The following SIPA1L1 variants were observed in gnomAD, a reference collection of about 807,000 sequenced individuals.
SIPA1L1 encodes the protein signal induced proliferation associated 1 like 1, also known as signal-induced proliferation-associated 1-like protein 1.
In SIPA1L1, 26 loss-of-function variants were observed where a neutral mutation model predicts 162.7. The ratio of observed to expected loss-of-function variants is 0.16; its 90% CI spans 0.12 to 0.22. The LOEUF (loss-of-function observed/expected upper bound fraction) is 0.22. Ranked by LOEUF, SIPA1L1 falls within the 10% of genes least tolerant of loss-of-function variation. The probability of loss-of-function intolerance (pLI) is 1.00; values close to 1 mark genes in which losing one functional copy is unlikely to be tolerated. For missense variants in SIPA1L1, 1,874 were observed against 2,241.0 expected, an observed-to-expected ratio of 0.84 and a Z score of 3.31; for synonymous variants, 829 against 837.4, an observed-to-expected ratio of 0.99 and a Z score of 0.17.
At chr14:71,471,873 T>C (rs1239914140) in intron 2 of SIPA1L1, among the ~76,000 whole-genome samples, 2 of 152,168 alleles carry the variant, frequency 1.3e-5, no homozygotes, top group African/African-American at 2.4e-5. Context: ...CAGCTAATTA[T>C]TGAATTTAGA....
chr14:71,641,128 A>G (rs1257671918), intron 7 of SIPA1L1, among the ~76,000 whole-genome samples: 2 of 152,154 alleles, frequency 1.3e-5, no homozygotes, highest in African/African-American at 4.8e-5. Context: ...CAAAATATAT[A>G]TATGATTGAA....
At chr14:71,599,404 G>A (rs1180036892) in intron 5 of SIPA1L1, among the ~76,000 whole-genome samples, 3 of 150,484 alleles carry the variant, frequency 2.0e-5, no homozygotes, top group African/African-American at 4.9e-5. Context: ...CACCCGCCTC[G>A]GCCTCGCAAA....
At chr14:71,689,124 A>G (rs1218726658) in intron 13 of SIPA1L1, among the ~76,000 whole-genome samples, 1 of 152,236 alleles carries the variant, frequency 6.6e-6, no homozygotes, top group Admixed American at 6.5e-5. Context: ...ATAAATCTGC[A>G]TAATATTTTT....
At chr14:71,613,851 G>C (rs139267109) in intron 5 of SIPA1L1, among the ~76,000 whole-genome samples, 1 of 141,206 alleles carries the variant, frequency 7.1e-6, no homozygotes, top group Non-Finnish European at 1.6e-5. Context: ...CATACTGCCC[G>C]GGGACTAGGG....
At chr14:71,482,643 A>C (rs937801300) in intron 2 of SIPA1L1, among the ~76,000 whole-genome samples, 17 of 152,082 alleles carry the variant, frequency 1.1e-4, no homozygotes, top group Non-Finnish European at 1.6e-4. Flanking sequence ...AGGAGAGAAG[A>C]ATTTAGTACT....
At chr14:71,579,613 G>A (rs1378788048) in intron 4 of SIPA1L1, among the ~76,000 whole-genome samples, 3 of 152,196 alleles carry the variant, frequency 2.0e-5, no homozygotes, top group Non-Finnish European at 2.9e-5. Flanking sequence ...ACATGCTAAG[G>A]CAATGTGGAG....
intron 4 of SIPA1L1, among the ~76,000 whole-genome samples, chr14:71,536,679 A>G (rs115806685): frequency 0.011 from 1,748 of 152,348 alleles, 34 homozygotes; most frequent in African/African-American, 0.04. Context: ...TCTTTTGGTT[A>G]TACAACAGTA....
intron 4 of SIPA1L1, among the ~76,000 whole-genome samples, chr14:71,533,817 G>A (rs1055841829): frequency 8.5e-5 from 13 of 152,246 alleles, no homozygotes; most frequent in Admixed American, 6.5e-5. Flanking sequence ...AAACTGATTG[G>A]TAAAATATTT....
At chr14:71,544,204 T>C (rs1054911624) in intron 4 of SIPA1L1, among the ~76,000 whole-genome samples, 3 of 151,494 alleles carry the variant, frequency 2.0e-5, no homozygotes, top group Non-Finnish European at 4.4e-5. Context: ...TATGCATGTA[T>C]GCACATGCAT....
rs200679326 is a variant in SIPA1L1 at position 71,655,321 on chromosome 14, G to A, written c.1994-3012G>A. On this transcript the variant is annotated intron_variant, in intron 8 of 23. Transcript: ENST00000381232. ...TGATGATGTTCTTTTTTATGGCTGC[G>A]TACCATTCCATGATGTATATGTACC... Among the ~76,000 whole-genome samples, 20 of 152,148 alleles carry A rather than the reference G, an allele frequency of 1.3e-4. No individual in the cohort carries two copies. In the East Asian group the frequency reaches 1.4e-3, roughly 10 times the overall value.
intron 3 of SIPA1L1, among the ~76,000 whole-genome samples, chr14:71,524,003 T>G (rs1466889193): frequency 1.3e-5 from 2 of 152,246 alleles, no homozygotes; most frequent in Admixed American, 6.5e-5. Flanking sequence ...TATTGAAGGA[T>G]GGTGTTTAGA....
Position 71,563,805 on chromosome 14 carries a change from T to C in SIPA1L1, c.-302-23766T>C, listed in dbSNP as rs188576745. Among the ~76,000 whole-genome samples, 26 of 152,342 alleles carry C rather than the reference T, an allele frequency of 1.7e-4. 1 individual carries two copies. In the East Asian group the frequency reaches 2.1e-3, roughly 12 times the overall value. On this transcript the variant is annotated intron_variant, in intron 4 of 23. Coordinates refer to ENST00000381232, the MANE Select transcript of SIPA1L1 (RefSeq NM_001386936.1). Reference sequence around the variant, plus strand: ...AAGTTTTCGTAACTCTCCAGCAATCTTAGGCAGTGGTCCTGTGTATTCTTA... The same window carrying C: ...AAGTTTTCGTAACTCTCCAGCAATCCTAGGCAGTGGTCCTGTGTATTCTTA...
chr14:71,660,272 GTC>G (rs2043398319), intron 9 of SIPA1L1, among the ~76,000 whole-genome samples: 1 of 151,964 alleles, frequency 6.6e-6, no homozygotes. Context: ...TTTTCATAAC[GTC>G]TGTTTGTATA....
Position 71,449,643 on chromosome 14 carries a change from T to C in SIPA1L1, c.-464-63100T>C, listed in dbSNP as rs575840072. 6.4e-4 allele frequency among the ~76,000 whole-genome samples: 98 copies of C among 152,286 alleles called. 1 individual carries two copies. Among genetic ancestry groups the C allele is most frequent in the South Asian group, 2.3e-3 (11 of 4,826 alleles). ...ATTCTATCTTAGGAACGAAGAACGATTTTACTAGCAGAAAATGAACACAGT... is the reference window on the plus strand; with the variant it reads ...ATTCTATCTTAGGAACGAAGAACGACTTTACTAGCAGAAAATGAACACAGT... On this transcript the variant is annotated intron_variant, in intron 2 of 23. Coordinates refer to ENST00000381232, the MANE Select transcript of SIPA1L1 (RefSeq NM_001386936.1).
At chr14:71,453,584 A>G (rs1396655370) in intron 2 of SIPA1L1, among the ~76,000 whole-genome samples, 1 of 152,246 alleles carries the variant, frequency 6.6e-6, no homozygotes, top group East Asian at 1.9e-4. Context: ...TAATAGCTGT[A>G]TGAAATATTT....
intron 7 of SIPA1L1, 189 bp from the exon 8 acceptor site, chr14:71,650,141 TTTCTC>T (rs2042502047): frequency 1.5e-6 from 1 of 655,536 alleles, no homozygotes; most frequent in African/African-American, 1.8e-5. Flanking sequence ...TTTCTGGCCT[TTTCTC>T]AGTTCATGAA....
chr14:71,701,784 T>TAA (rs1356696981), intron 14 of SIPA1L1, among the ~76,000 whole-genome samples: 4 of 152,200 alleles, frequency 2.6e-5, no homozygotes, highest in African/African-American at 9.7e-5. Context: ...TTTTGCCAGT[T>TAA]TACCTGCTTC....
At chr14:71,605,449 A>T (rs2037374019) in intron 5 of SIPA1L1, among the ~76,000 whole-genome samples, 1 of 151,784 alleles carries the variant, frequency 6.6e-6, no homozygotes, top group South Asian at 2.1e-4. Flanking sequence ...TAGTTTTTTC[A>T]TGGTTTCTAT....
At chr14:71,595,548 A>G (rs1188331716) in intron 5 of SIPA1L1, among the ~76,000 whole-genome samples, 1 of 152,170 alleles carries the variant, frequency 6.6e-6, no homozygotes, top group East Asian at 1.9e-4. Flanking sequence ...TGATTTATAT[A>G]TATCCTGTAT....
Sources: allele counts gnomAD v4.1 joint callset (sites outside exome capture counted in the v4.1 genomes callset), GRCh38; gene constraint gnomAD v4.1.1; transcripts MANE v1.5; gene names NCBI Gene and HGNC (gene_info 2026-07-23, HGNC 2026-07-21).